Variants in GPC5 observed in about 807,000 individuals in gnomAD.
The protein encoded by GPC5 is glypican 5.
GPC5 carries 47 observed loss-of-function variants against 53.9 expected under a neutral mutation model. The ratio of observed to expected loss-of-function variants is 0.87; its 90% CI spans 0.69 to 1.11. GPC5 has a LOEUF of 1.11. GPC5 is among the 50% of genes most tolerant of loss of function. GPC5 has a pLI of 0.00. For missense variants in GPC5, 748 were observed against 713.1 expected, an observed-to-expected ratio of 1.05 and a Z score of -0.56; for synonymous variants, 286 against 263.3, an observed-to-expected ratio of 1.09 and a Z score of -0.84.
intron 6 of GPC5, among the ~76,000 whole-genome samples, chr13:91,979,330 C>T (rs920304378): frequency 6.6e-6 from 1 of 152,090 alleles, no homozygotes; most frequent in Non-Finnish European, 1.5e-5. Context: ...TAGAATAAAA[C>T]TTTAATACAT....
chr13:91,688,151 G>A (rs558938997), intron 2 of GPC5, among the ~76,000 whole-genome samples: 1 of 152,102 alleles, frequency 6.6e-6, no homozygotes, highest in African/African-American at 2.4e-5. Flanking sequence ...CAAATTCAAA[G>A]TTAACACAAA....
intron 7 of GPC5, among the ~76,000 whole-genome samples, chr13:92,438,503 T>C (rs1482969834): frequency 1.3e-5 from 2 of 151,476 alleles, no homozygotes; most frequent in East Asian, 3.9e-4. Flanking sequence ...ATGGCTTGCA[T>C]TGAGGGAGAG....
intron 5 of GPC5, among the ~76,000 whole-genome samples, chr13:91,826,020 G>T (rs1191065060): frequency 6.6e-6 from 1 of 152,030 alleles, no homozygotes; most frequent in African/African-American, 2.4e-5. Context: ...CGTGAAGTTA[G>T]TCTGGACAAG....
chr13:92,751,530 C>T (rs10507996), intron 7 of GPC5, among the ~76,000 whole-genome samples: 7,701 of 141,462 alleles, frequency 0.054, 314 homozygotes, highest in African/African-American at 0.12. Context: ...AAGTACCTTT[C>T]GGTAACACAT....
intron 6 of GPC5, among the ~76,000 whole-genome samples, chr13:91,941,362 C>T (rs1238535622): frequency 1.3e-5 from 2 of 151,886 alleles, no homozygotes; most frequent in Non-Finnish European, 2.9e-5. Flanking sequence ...TATTTTTTGA[C>T]ATGATTAAGT....
intron 1 of GPC5, among the ~76,000 whole-genome samples, chr13:91,437,569 T>C (rs932787202): frequency 2.0e-5 from 3 of 152,234 alleles, no homozygotes; most frequent in African/African-American, 7.2e-5. Flanking sequence ...GTTAGTCTGA[T>C]GGGCTTCCCT....
At chr13:91,618,479 C>G (rs1453452197) in intron 2 of GPC5, among the ~76,000 whole-genome samples, 2 of 152,018 alleles carry the variant, frequency 1.3e-5, no homozygotes, top group Non-Finnish European at 2.9e-5. Flanking sequence ...TCCTCTCAGG[C>G]ATGATCACTA....
chr13:92,174,403 C>A (rs2042093863), intron 7 of GPC5, among the ~76,000 whole-genome samples: 1 of 151,302 alleles, frequency 6.6e-6, no homozygotes, highest in African/African-American at 2.4e-5. Context: ...GGTGTGGTGG[C>A]GGGCATCTGT....
intron 4 of GPC5, among the ~76,000 whole-genome samples, chr13:91,743,763 C>T (rs2036987878): frequency 6.6e-6 from 1 of 152,136 alleles, no homozygotes; most frequent in South Asian, 2.1e-4. Context: ...ATCAGATTAA[C>T]CATTTCCAGG....
chr13:92,139,666 CAA>C (rs5805729), intron 6 of GPC5, among the ~76,000 whole-genome samples: 14,993 of 93,844 alleles, frequency 0.16, 815 homozygotes, highest in Admixed American at 0.2. Context: ...GATTCCGTCT[CAA>C]AAAAAAAAAA....
At chr13:91,654,809 G>A (rs1203111613) in intron 2 of GPC5, among the ~76,000 whole-genome samples, 1 of 152,128 alleles carries the variant, frequency 6.6e-6, no homozygotes, top group Non-Finnish European at 1.5e-5. Flanking sequence ...CTTAAGCCCA[G>A]GTGGGGCTTG....
chr13:92,450,403 G>A (rs2139397836), intron 7 of GPC5, among the ~76,000 whole-genome samples: 1 of 152,246 alleles, frequency 6.6e-6, no homozygotes, highest in Admixed American at 6.5e-5. Flanking sequence ...CCCATAACCT[G>A]AAGCTAATTG....
At chr13:91,432,203 C>CTGCTGCTG (rs1555306318) in intron 1 of GPC5, among the ~76,000 whole-genome samples, 325 of 136,430 alleles carry the variant, frequency 2.4e-3, no homozygotes, top group African/African-American at 4.5e-3. Flanking sequence ...GCTGCTGCTG[C>CTGCTGCTG]TGTGTGTGTG....
At chr13:92,053,258 G>C (rs7325647) in intron 6 of GPC5, among the ~76,000 whole-genome samples, 56,187 of 151,926 alleles carry the variant, frequency 0.37, 11,257 homozygotes, top group Admixed American at 0.47. Context: ...TAGGCGTCAG[G>C]CATGTTCAGC....
intron 7 of GPC5, among the ~76,000 whole-genome samples, chr13:92,174,554 AAAC>A (rs200566599): frequency 0.012 from 1,862 of 151,640 alleles, 33 homozygotes; most frequent in African/African-American, 0.043. Context: ...AAAAAAACAA[AAAC>A]AACAACAACA....
intron 2 of GPC5, among the ~76,000 whole-genome samples, chr13:91,650,429 T>G (rs1352198763): frequency 6.6e-6 from 1 of 152,152 alleles, no homozygotes; most frequent in Non-Finnish European, 1.5e-5. Flanking sequence ...ATATACTTCT[T>G]CATTCTGCCT....
At chr13:92,107,219 T>C (rs1399576646) in intron 6 of GPC5, among the ~76,000 whole-genome samples, 1 of 152,056 alleles carries the variant, frequency 6.6e-6, no homozygotes. Flanking sequence ...TTTGCTTAGT[T>C]TTTTCAAGTT....
At chr13:91,536,003 A>C (rs1886574888) in intron 2 of GPC5, among the ~76,000 whole-genome samples, 2 of 152,346 alleles carry the variant, frequency 1.3e-5, no homozygotes, top group South Asian at 4.1e-4. Flanking sequence ...TATATGATTA[A>C]TATTTTCAAA....
intron 7 of GPC5, among the ~76,000 whole-genome samples, chr13:92,347,465 T>C (rs1452977260): frequency 6.6e-6 from 1 of 151,844 alleles, no homozygotes; most frequent in Non-Finnish European, 1.5e-5. Flanking sequence ...GAGGAAGAAA[T>C]AGAAACTTTC....
Sources: allele counts gnomAD v4.1 joint callset (sites outside exome capture counted in the v4.1 genomes callset), GRCh38; gene constraint gnomAD v4.1.1; transcripts MANE v1.5; gene names NCBI Gene and HGNC (gene_info 2026-07-23, HGNC 2026-07-21).